Variants in SAMD3 observed in about 807,000 individuals in gnomAD.
The protein encoded by SAMD3 is sterile alpha motif domain-containing protein 3.
In SAMD3, 63 loss-of-function variants were observed where a neutral mutation model predicts 58.5. That is an observed-to-expected ratio of 1.08 (90% confidence interval 0.88 to 1.33). SAMD3 has a LOEUF of 1.33. Among genes scored for constraint, SAMD3 ranks in the 40% most tolerant of loss-of-function variants. The probability of loss-of-function intolerance (pLI) is 0.00; values close to 1 mark genes in which losing one functional copy is unlikely to be tolerated. For synonymous variants in SAMD3, 220 were observed against 210.3 expected, an observed-to-expected ratio of 1.05 and a Z score of -0.40; for missense variants, 604 against 608.4, an observed-to-expected ratio of 0.99 and a Z score of 0.08.
chr6:130,349,936 TA>T (rs1442111025), intron 1 of SAMD3, among the ~76,000 whole-genome samples: 1 of 152,226 alleles, frequency 6.6e-6, no homozygotes, highest in Non-Finnish European at 1.5e-5. Flanking sequence ...TCAATAAATG[TA>T]ATCCAGCATA....
At chr6:130,186,663 T>G (rs778881694) in intron 5 of SAMD3, among the ~76,000 whole-genome samples, 1 of 152,192 alleles carries the variant, frequency 6.6e-6, no homozygotes, top group Non-Finnish European at 1.5e-5. Context: ...TTCTATTACT[T>G]TGTTTCTTTC....
chr6:130,338,781 T>C (rs576923416), intron 1 of SAMD3, among the ~76,000 whole-genome samples: 1 of 152,358 alleles, frequency 6.6e-6, no homozygotes, highest in Admixed American at 6.5e-5. Context: ...GGAGCATTTA[T>C]CCAATTCCTA....
At chr6:130,284,251 TAAG>T (rs926355525) in intron 2 of SAMD3, among the ~76,000 whole-genome samples, 9 of 152,208 alleles carry the variant, frequency 5.9e-5, no homozygotes, top group South Asian at 2.1e-4. Flanking sequence ...TAACACTTAA[TAAG>T]AAGATGAGTA....
chr6:130,198,459 T>A (rs1794346002), intron 5 of SAMD3, among the ~76,000 whole-genome samples: 1 of 152,212 alleles, frequency 6.6e-6, no homozygotes, highest in Non-Finnish European at 1.5e-5. Context: ...TTCTCCTGCC[T>A]TGGCCTCCCA....
chr6:130,166,161 G>C (rs1391689991), intron 8 of SAMD3, among the ~76,000 whole-genome samples: 2 of 152,174 alleles, frequency 1.3e-5, no homozygotes, highest in African/African-American at 4.8e-5. Flanking sequence ...GTCATTCTGT[G>C]AGAGGGCAGA....
chr6:130,238,327 G>A (rs1260154285), intron 2 of SAMD3, among the ~76,000 whole-genome samples: 1 of 151,898 alleles, frequency 6.6e-6, no homozygotes, highest in African/African-American at 2.4e-5. Context: ...GATAGCAAGT[G>A]GATTATTTTA....
At chr6:130,184,059 A>T in intron 7 of SAMD3, 44 bp downstream of exon 7, 1 of 1,479,958 alleles carries the variant, frequency 6.8e-7, no homozygotes, top group Non-Finnish European at 9.4e-7. Flanking sequence ...CAATTATTTT[A>T]AGATAGTCTG....
At position 130,146,133 on chromosome 6, in the gene SAMD3, T is replaced by C. The variant is rs749467124; in HGVS notation, c.1072A>G (p.Thr358Ala). 32 of 1,600,956 alleles carry C rather than the reference T, an allele frequency of 2.0e-5. No individual in the cohort carries two copies. The Middle Eastern group carries it at 5.0e-4, about 25-fold the overall frequency. ...GAATAGGATTCCAAAATGTGCCTTG[T>C]TTTCTTATAAATATCTGTTCTTGTA... ...LLTRTDIYKK[T>A]RHILESYSEN... is the part of the protein sequence containing the mutation. Residue 358 changes from threonine to alanine, a missense_variant, in exon 10 of 12, where the codon ACA becomes GCA. Physicochemically the swap from Thr to Ala is moderately conservative, Grantham distance 58. Transcript: ENST00000439090.
intron 1 of SAMD3, among the ~76,000 whole-genome samples, chr6:130,221,224 T>C (rs117215619): frequency 0.025 from 3,830 of 152,242 alleles, 73 homozygotes; most frequent in Non-Finnish European, 0.04. Flanking sequence ...TAATGCCTCA[T>C]AACACCTACA....
At chr6:130,291,714 C>T (rs12211647) in intron 2 of SAMD3, among the ~76,000 whole-genome samples, 1 of 152,054 alleles carries the variant, frequency 6.6e-6, no homozygotes, top group Non-Finnish European at 1.5e-5. Flanking sequence ...AAACTAATTT[C>T]TCAGAATTAC....
intron 2 of SAMD3, among the ~76,000 whole-genome samples, chr6:130,278,462 C>A (rs150130594): frequency 1.4e-3 from 207 of 152,296 alleles, no homozygotes; most frequent in Non-Finnish European, 2.4e-3. Flanking sequence ...ACCCATTGGG[C>A]AGTTACAAAT....
intron 2 of SAMD3, among the ~76,000 whole-genome samples, chr6:130,305,714 G>A (rs920869925): frequency 6.6e-6 from 1 of 152,156 alleles, no homozygotes; most frequent in Non-Finnish European, 1.5e-5. Context: ...TGATTGATCT[G>A]CTGATATTCA....
At chr6:130,275,648 T>C (rs1203457348) in intron 2 of SAMD3, among the ~76,000 whole-genome samples, 1 of 152,138 alleles carries the variant, frequency 6.6e-6, no homozygotes, top group Non-Finnish European at 1.5e-5. Flanking sequence ...AAAAATCATT[T>C]ATTAATATAT....
intron 4 of SAMD3, among the ~76,000 whole-genome samples, chr6:130,212,850 A>T (rs1016686078): frequency 6.6e-6 from 1 of 152,210 alleles, no homozygotes; most frequent in Non-Finnish European, 1.5e-5. Flanking sequence ...AATTACTTTG[A>T]TCTCTCTTTC....
intron 2 of SAMD3, among the ~76,000 whole-genome samples, chr6:130,266,806 TTG>T (rs1562489174): frequency 4.8e-4 from 73 of 152,308 alleles, no homozygotes; most frequent in African/African-American, 1.5e-3. Flanking sequence ...CCTATGCTTC[TTG>T]CGAAAAGCGA....
Position 130,145,359 on chromosome 6 carries a change from A to G in SAMD3, c.1259T>C (p.Phe420Ser). ...PDVFGDDPSLFVIMNEQVQVS... is the reference protein window; with the variant it reads ...PDVFGDDPSLSVIMNEQVQVS... ...ACATACCTGTTCATTCATGATGACA[A>G]AAAGGCTGGGATCATCCCCAAAAAC... The change falls in exon 11 of 12, where the codon TTT becomes TCT. Residue 420 changes from phenylalanine (F) to serine (S), a missense_variant. Transcript: ENST00000439090. 6.2e-7 allele frequency: 1 copy of G among 1,609,988 alleles called. No individual in the cohort carries two copies. The highest frequency in any genetic ancestry group is 8.5e-7 in the Non-Finnish European group (1 of 1,177,082).
At chr6:130,294,001 T>A (rs1038181179) in intron 2 of SAMD3, among the ~76,000 whole-genome samples, 6 of 152,078 alleles carry the variant, frequency 3.9e-5, no homozygotes, top group Non-Finnish European at 7.4e-5. Context: ...GCAGACAACC[T>A]CTTGGATTAC....
In SAMD3 at chr6:130,214,359, T is replaced by A; in HGVS notation, c.247A>T (p.Met83Leu). The change falls in exon 4 of 12, where the codon ATG becomes TTG. Residue 83 changes from methionine to leucine, a missense_variant. Physicochemically the swap from Met to Leu is conservative, Grantham distance 15. Coordinates refer to ENST00000439090, the MANE Select transcript of SAMD3 (RefSeq NM_001017373.4). ...CACTCTCGAGCTGCTTCTGTTTGCA[T>A]GACCAGGGCTGCCTTTTTGGGGTTT... ...PENPKKAALV[M>L]QTEAARDYRD... 6.3e-7 allele frequency: 1 copy of A among 1,597,014 alleles called. No homozygotes were observed. Among genetic ancestry groups the A allele is most frequent in the Non-Finnish European group, 8.5e-7 (1 of 1,174,060 alleles).
In SAMD3 at chr6:130,304,712, G is replaced by A. The variant is rs6923995; in HGVS notation, c.-188+8266C>T. Among the ~76,000 whole-genome samples, 704 of 151,996 alleles carry A rather than the reference G, an allele frequency of 4.6e-3. 1 individual carries two copies. The highest frequency in any genetic ancestry group is 7.1e-3 in the Non-Finnish European group (483 of 67,972). On this transcript the variant is annotated intron_variant, in intron 2 of 13. Transcript: ENST00000368134. ...AAGTTCCATGAAAAAAAATTATGCC[G>A]AAATTTTAATTTTATCCAAACTTTA...
Sources: gnomAD v4.1 joint callset for allele counts (sites outside exome capture counted in the v4.1 genomes callset) on GRCh38, gnomAD v4.1.1 for gene constraint, MANE v1.5 for transcripts, NCBI Gene and HGNC (gene_info 2026-07-23, HGNC 2026-07-21) for gene names.